CELSR1: variants seen among roughly 807,000 people sequenced by gnomAD.
The protein encoded by CELSR1 is adhesion G protein-coupled receptor C1.
Under a neutral mutation model 249.1 loss-of-function variants are expected in CELSR1, and 110 were observed. The observed-to-expected ratio is 0.44, with a 90% CI of 0.38 to 0.52. The LOEUF is 0.52. Among genes scored for constraint, CELSR1 ranks in the 20% least tolerant of loss-of-function variants. CELSR1 has a pLI of 0.00. For missense variants in CELSR1, 4,109 were observed against 4,296.4 expected (o/e 0.96, Z 1.22); for synonymous variants, 2,113 against 1,900.0 (o/e 1.11, Z -2.92).
Position 46,464,645 on chromosome 22 carries a change from C to A in CELSR1, c.3545-300G>T, listed in dbSNP as rs2080077512. Reference sequence around the variant, plus strand: ...CTGGCTCCGAATCCCTCAGAGGGCCCCAAGGTGCTCAGCAGGGCACCCTGA... The same window carrying A: ...CTGGCTCCGAATCCCTCAGAGGGCCACAAGGTGCTCAGCAGGGCACCCTGA... On this transcript the variant is annotated intron_variant, in intron 1 of 34. Transcript: ENST00000674500. The surrounding 1 kb of genome is among the most constrained non-coding windows in gnomAD (Gnocchi z 8.5). Among the ~76,000 whole-genome samples, 1 of 152,122 alleles carries A rather than the reference C, an allele frequency of 6.6e-6. No homozygotes were observed. Among genetic ancestry groups the A allele is most frequent in the South Asian group, 2.1e-4 (1 of 4,816 alleles).
At position 46,527,996 on chromosome 22, in the gene CELSR1, G is replaced by C. The variant is rs1206605226; in HGVS notation, c.3544+5631C>G. Among the ~76,000 whole-genome samples, 1 of 151,774 alleles carries C rather than the reference G, an allele frequency of 6.6e-6. No individual in the cohort carries two copies. Among genetic ancestry groups the C allele is most frequent in the East Asian group, 1.9e-4 (1 of 5,156 alleles). ...TATAATCCCAGCTACTTGGGAAGCT[G>C]AGGCAGCTGAGGCAGGAGAATCACT... is the stretch of plus-strand genomic sequence containing the variant. On this transcript the variant is annotated intron_variant, in intron 1 of 34. Transcript: ENST00000674500. This position sits in a 1 kb window ranked among gnomAD's most constrained non-coding sequence, Gnocchi z 5.5.
At chr22:46,531,771 G>A (rs745348461) in intron 1 of CELSR1, among the ~76,000 whole-genome samples, 9 of 152,120 alleles carry the variant, frequency 5.9e-5, no homozygotes, top group Non-Finnish European at 8.8e-5. Flanking sequence ...ACATGAGAGC[G>A]CAAATAAAAG....
At position 46,413,615 on chromosome 22, in the gene CELSR1, T is replaced by C. The variant is rs1569145678; in HGVS notation, c.4612-1856A>G. Among the ~76,000 whole-genome samples the C allele has an allele frequency of 6.6e-6, 1 of 152,242 alleles. No individual in the cohort carries two copies. Among genetic ancestry groups the C allele is most frequent in the East Asian group, 1.9e-4 (1 of 5,202 alleles). On this transcript the variant is annotated intron_variant, in intron 5 of 34. Transcript: ENST00000674500. The surrounding 1 kb of genome is among the most constrained non-coding windows in gnomAD (Gnocchi z 4.7). ...CAAGGGAGGCTTCTACCATGACCCC[T>C]GGTATTCGAATGCATGGATCACCTT...
At chr22:46,487,077 C>G (rs2080320295) in intron 1 of CELSR1, among the ~76,000 whole-genome samples, 1 of 151,986 alleles carries the variant, frequency 6.6e-6, no homozygotes, top group Non-Finnish European at 1.5e-5. Context: ...TCCACACACC[C>G]AAGGTCTCAA....
At position 46,535,185 on chromosome 22, in the gene CELSR1, G is replaced by A. The variant is rs762482353; in HGVS notation, c.1986C>T (p.His662=). The change falls in exon 1 of 35, where the codon CAC becomes CAT. Residue 662 remains histidine, a synonymous_variant. Coordinates refer to ENST00000674500, the MANE Select transcript of CELSR1 (RefSeq NM_001378328.1). ...HYSFGVEAVD[H]GSPPMSSSTS... Reference sequence around the variant, plus strand: ...TGGAGGAGCTCATGGGGGGCGAGCCGTGGTCCACCGCCTCCACCCCGAAGC... The same window carrying A: ...TGGAGGAGCTCATGGGGGGCGAGCCATGGTCCACCGCCTCCACCCCGAAGC... 3.2e-5 allele frequency: 52 copies of A among 1,608,652 alleles called. No homozygotes were observed. Among genetic ancestry groups the A allele is most frequent in the East Asian group, 8.9e-5 (4 of 44,850 alleles).
intron 23 of CELSR1, among the ~76,000 whole-genome samples, chr22:46,378,065 C>T (rs1251313630): frequency 8.1e-4 from 1 of 1,236 alleles, no homozygotes; most frequent in Non-Finnish European, 1.4e-3. Context: ...TTCCCCAATT[C>T]ATCTGCAGCC....
At chr22:46,364,315 G>T in intron 33 of CELSR1, 64 bp from the exon 34 acceptor site, 1 of 1,574,984 alleles carries the variant, frequency 6.3e-7, no homozygotes, top group Admixed American at 1.9e-5. Flanking sequence ...CTGCTGGGCC[G>T]TGTGCAGCTG....
Position 46,398,340 on chromosome 22 carries a change from G to A in CELSR1, c.5526+184C>T, listed in dbSNP as rs978039077. On this transcript the variant is annotated intron_variant, in intron 11 of 34. Transcript: ENST00000674500. This position sits in a 1 kb window ranked among gnomAD's most constrained non-coding sequence, Gnocchi z 7.2. ...CCAGGGACGGCCCGGATGCCAAGGG[G>A]AACCGCAGGGGAGAATGGGTCTGAA... 6.6e-6 allele frequency among the ~76,000 whole-genome samples: 1 copy of A among 152,156 alleles called. No homozygotes were observed. The highest frequency in any genetic ancestry group is 1.5e-5 in the Non-Finnish European group (1 of 68,006).
chr22:46,481,722 C>A (rs116910726), intron 1 of CELSR1: 29 of 526,122 alleles, frequency 5.5e-5, no homozygotes, highest in African/African-American at 5.4e-4. Flanking sequence ...CCTGCACCCG[C>A]AGCTGCTGCA....
chr22:46,431,243 G>A (rs1379480433), intron 5 of CELSR1, among the ~76,000 whole-genome samples: 11 of 152,224 alleles, frequency 7.2e-5, no homozygotes, highest in Admixed American at 7.2e-4. Flanking sequence ...GCCACAGGCG[G>A]GCCCCAGTGA....
rs1177376209 is a variant in CELSR1 at position 46,406,774 on chromosome 22, C to T, written c.5226+2222G>A. Among the ~76,000 whole-genome samples the T allele has an allele frequency of 6.6e-6, 1 of 152,202 alleles. No individual in the cohort carries two copies. Among genetic ancestry groups the T allele is most frequent in the Non-Finnish European group, 1.5e-5 (1 of 68,042 alleles). On this transcript the variant is annotated intron_variant, in intron 9 of 34. Transcript: ENST00000674500. The surrounding 1 kb of genome is among the most constrained non-coding windows in gnomAD (Gnocchi z 5.4). ...ACGCCTCAGTTTCCCGTGTGTGGAA[C>T]GAGAGCTTGGAGCAGGCACTCCGTA...
intron 14 of CELSR1, 42 bp downstream of exon 14, chr22:46,394,100 G>A: frequency 6.3e-7 from 1 of 1,598,382 alleles, no homozygotes; most frequent in Non-Finnish European, 8.5e-7. Context: ...GCATGTGTGT[G>A]AGCAAACACA....
rs1211354112 is a variant in CELSR1, at chr22:46,382,946, C to T, written c.6884-896G>A. Among the ~76,000 whole-genome samples, 3 of 152,134 alleles carry T rather than the reference C, an allele frequency of 2.0e-5. No homozygotes were observed. In the East Asian group the frequency reaches 5.8e-4, roughly 29 times the overall value. ...TCAGATCTGCAGGCTGGAAAGAGTT[C>T]TGGAGATGGACTGTTTAAACATGAA... On this transcript the variant is annotated intron_variant, in intron 20 of 34. Transcript: ENST00000674500.
intron 1 of CELSR1, among the ~76,000 whole-genome samples, chr22:46,516,600 A>G (rs2080630882): frequency 6.6e-6 from 1 of 151,942 alleles, no homozygotes; most frequent in Non-Finnish European, 1.5e-5. Flanking sequence ...TCGCCTCCCA[A>G]AGTGCTTGGG....
Position 46,396,945 on chromosome 22 carries a change from C to T in CELSR1, c.5702-199G>A, listed in dbSNP as rs2079154342. The stretch of plus-strand genomic sequence containing the variant: ...TAGTGATGCAGAGAGGAAGGCCTTC[C>T]CGGGCTGCCCCAAGGAGGGTGAGAG... On this transcript the variant is annotated intron_variant, in intron 12 of 34. Coordinates refer to ENST00000674500, the MANE Select transcript of CELSR1 (RefSeq NM_001378328.1). This position sits in a 1 kb window ranked among gnomAD's most constrained non-coding sequence, Gnocchi z 6.4. Among the ~76,000 whole-genome samples, 1 of 152,142 alleles carries T rather than the reference C, an allele frequency of 6.6e-6. No homozygotes were observed. The highest frequency in any genetic ancestry group is 1.5e-5 in the Non-Finnish European group (1 of 68,026).
intron 1 of CELSR1, among the ~76,000 whole-genome samples, chr22:46,532,711 C>T (rs1015928902): frequency 6.6e-6 from 1 of 152,150 alleles, no homozygotes; most frequent in Admixed American, 6.6e-5. Context: ...CTTGGATGCA[C>T]GGTCAGGCAA....
intron 18 of CELSR1, among the ~76,000 whole-genome samples, chr22:46,387,267 T>C (rs114475597): frequency 0.015 from 2,259 of 152,354 alleles, 54 homozygotes; most frequent in African/African-American, 0.051. Context: ...CTACATGACA[T>C]ATATTAATTC....
chr22:46,463,981 G>A lies in CELSR1; in HGVS notation c.3909C>T (p.Asp1303=), dbSNP rs752792922. 14 of 1,613,846 alleles carry A rather than the reference G, an allele frequency of 8.7e-6. 1 individual carries two copies. Among genetic ancestry groups the A allele is most frequent in the African/African-American group, 4.0e-5 (3 of 74,958 alleles). The change falls in exon 2 of 35, where the codon GAC becomes GAT. Residue 1303 remains aspartate (D), a synonymous_variant. Transcript: ENST00000674500. ...TISTQRVLPF[D]DNICLREPCE... Reference sequence around the variant, plus strand: ...AGGGCTCGCGCAGGCAGATGTTGTCGTCGAAGGGCAGCACGCGCTGCGTGG... The same window carrying A: ...AGGGCTCGCGCAGGCAGATGTTGTCATCGAAGGGCAGCACGCGCTGCGTGG...
chr22:46,515,680 G>A (rs1051218318), intron 1 of CELSR1, among the ~76,000 whole-genome samples: 1 of 152,168 alleles, frequency 6.6e-6, no homozygotes, highest in Non-Finnish European at 1.5e-5. Context: ...CCTGCTGGGG[G>A]ATCAGGGGAT....
Sources: allele counts gnomAD v4.1 joint callset (sites outside exome capture counted in the v4.1 genomes callset), GRCh38; gene constraint gnomAD v4.1.1; non-coding constraint Gnocchi (gnomAD v3.1); transcripts MANE v1.5; gene names NCBI Gene and HGNC (gene_info 2026-07-23, HGNC 2026-07-21).